The following FABP6 variants were observed in gnomAD, a reference collection of about 807,000 sequenced individuals.
FABP6 encodes gastrotropin.
Under a neutral mutation model 14.9 loss-of-function variants are expected in FABP6, and 13 were observed. That is an observed-to-expected ratio of 0.87 (90% CI 0.57 to 1.39). FABP6 has a LOEUF of 1.39. Ranked by LOEUF, FABP6 falls within the 40% of genes most tolerant of loss-of-function variation. FABP6 has a pLI of 0.00. For synonymous variants in FABP6, 75 were observed against 63.6 expected (o/e 1.18, Z -0.85); for missense variants, 161 against 167.2 (o/e 0.96, Z 0.20).
In FABP6 at chr5:160,238,656, C is replaced by T; in HGVS notation, c.384C>T (p.Ala128=). 1 of 1,613,894 alleles carries T rather than the reference C, an allele frequency of 6.2e-7. No individual in the cohort carries two copies. Among genetic ancestry groups the T allele is most frequent in the Non-Finnish European group, 8.5e-7 (1 of 1,179,810 alleles). Reference sequence around the variant, plus strand: ...ATGAGCGCGTGAGCAAGAGACTGGCCTAAGCAGCCAGGCCCGGCCCAGGGA... The same window carrying T: ...ATGAGCGCGTGAGCAAGAGACTGGCTTAAGCAGCCAGGCCCGGCCCAGGGA... ...VTYERVSKRL[A] Residue 128 remains alanine (A), a synonymous_variant, in exon 4 of 4, where the codon GCC becomes GCT. Coordinates refer to ENST00000402432, the MANE Select transcript of FABP6 (RefSeq NM_001445.3).
intron 3 of FABP6, among the ~76,000 whole-genome samples, chr5:160,216,724 A>G (rs185489334): frequency 1.3e-5 from 2 of 152,206 alleles, no homozygotes; most frequent in African/African-American, 4.8e-5. Flanking sequence ...AAGTCACCTA[A>G]CCTTTCTGAA....
chr5:160,219,508 A>AG (rs1760087442), intron 3 of FABP6, among the ~76,000 whole-genome samples: 1 of 152,122 alleles, frequency 6.6e-6, no homozygotes, highest in Non-Finnish European at 1.5e-5. Context: ...ACCCAGGAGA[A>AG]GAGGGGAAGA....
chr5:160,191,528 C>T (rs540710966), intron 1 of FABP6, among the ~76,000 whole-genome samples: 1 of 152,290 alleles, frequency 6.6e-6, no homozygotes, highest in East Asian at 1.9e-4. Context: ...CCCTGCCCAT[C>T]TCTCTACTGT....
chr5:160,234,913 A>C lies in FABP6; in HGVS notation c.333+4A>C, dbSNP rs1265317635. ...CGTGGGTGACAAGCTGGTGGAGGTG[A>C]GTGTCATGCTGATTCCTGGGATGAT... is the stretch of plus-strand genomic sequence containing the variant. On this transcript the variant is annotated splice_donor_region_variant and intron_variant, in intron 3 of 3. Coordinates refer to ENST00000402432, the MANE Select transcript of FABP6 (RefSeq NM_001445.3). 1 of 1,608,854 alleles carries C rather than the reference A, an allele frequency of 6.2e-7. No homozygotes were observed. Among genetic ancestry groups the C allele is most frequent in the South Asian group, 1.1e-5 (1 of 90,468 alleles).
At chr5:160,236,460 C>A (rs1395594300) in intron 3 of FABP6, among the ~76,000 whole-genome samples, 1 of 152,122 alleles carries the variant, frequency 6.6e-6, no homozygotes, top group Non-Finnish European at 1.5e-5. Flanking sequence ...GACACACGCG[C>A]AGTCCATAAG....
intron 1 of FABP6, chr5:160,231,893 C>T (rs1309640390): frequency 1.9e-6 from 1 of 534,326 alleles, no homozygotes; most frequent in Non-Finnish European, 3.3e-6. Context: ...GATGAATAGA[C>T]TGAAGCTCAG....
At chr5:160,214,880 T>C (rs1759980495) in intron 3 of FABP6, among the ~76,000 whole-genome samples, 1 of 151,708 alleles carries the variant, frequency 6.6e-6, no homozygotes, top group Non-Finnish European at 1.5e-5. Flanking sequence ...AAGCAGAAAA[T>C]AAAGGTTTTC....
chr5:160,215,517 G>GAGA (rs796901409), intron 3 of FABP6, among the ~76,000 whole-genome samples: 2 of 136,008 alleles, frequency 1.5e-5, no homozygotes, highest in Non-Finnish European at 3.2e-5. Flanking sequence ...CTGTCTCAGA[G>GAGA]AAAAAAAAAA....
intron 3 of FABP6, among the ~76,000 whole-genome samples, chr5:160,216,313 G>C (rs575238029): frequency 2.0e-5 from 3 of 151,656 alleles, no homozygotes; most frequent in Admixed American, 2.0e-4. Context: ...TGTCACCCAG[G>C]CTGGAGTGCA....
At chr5:160,213,847 GTT>G in intron 3 of FABP6, 3 of 1,558,190 alleles carry the variant, frequency 1.9e-6, no homozygotes, top group South Asian at 1.1e-5. Flanking sequence ...GGAGGGAAGG[GTT>G]CCTGACGTTT....
intron 1 of FABP6, among the ~76,000 whole-genome samples, chr5:160,196,292 G>A (rs2113063298): frequency 6.6e-6 from 1 of 152,340 alleles, no homozygotes; most frequent in African/African-American, 2.4e-5. Context: ...TTCCCCAGGA[G>A]GGTTGAGAAG....
intron 2 of FABP6, among the ~76,000 whole-genome samples, chr5:160,210,343 C>T (rs1215611197): frequency 1.3e-5 from 2 of 152,182 alleles, no homozygotes; most frequent in Non-Finnish European, 2.9e-5. Flanking sequence ...AATTGAGAAG[C>T]TGTGATCATC....
At chr5:160,187,826 A>G (rs1371522531) in intron 1 of FABP6, among the ~76,000 whole-genome samples, 2 of 151,990 alleles carry the variant, frequency 1.3e-5, no homozygotes, top group Non-Finnish European at 2.9e-5. Context: ...TATCTCGGCT[A>G]ACCACAACCT....
At chr5:160,233,768 G>C (rs1260800827) in intron 2 of FABP6, among the ~76,000 whole-genome samples, 2 of 152,066 alleles carry the variant, frequency 1.3e-5, no homozygotes, top group Non-Finnish European at 2.9e-5. Context: ...AGCTACTCGG[G>C]AGGCTGAGGC....
intron 1 of FABP6, among the ~76,000 whole-genome samples, chr5:160,192,449 C>T (rs779414831): frequency 1.3e-5 from 2 of 152,264 alleles, no homozygotes; most frequent in Non-Finnish European, 2.9e-5. Context: ...AGAAACCTTG[C>T]GTGTTTACTC....
intron 3 of FABP6, among the ~76,000 whole-genome samples, chr5:160,215,924 C>T (rs568015313): frequency 2.4e-4 from 36 of 152,266 alleles, no homozygotes; most frequent in African/African-American, 5.5e-4. Flanking sequence ...TCCCCAGTTG[C>T]GCCACTTCTT....
chr5:160,211,402 GC>G (rs1011032749), intron 2 of FABP6, among the ~76,000 whole-genome samples: 6 of 152,006 alleles, frequency 3.9e-5, no homozygotes, highest in African/African-American at 7.3e-5. Flanking sequence ...CTAGGTGCTG[GC>G]CCCCTTTCTA....
At chr5:160,231,741 C>A (rs939671429) in intron 1 of FABP6, among the ~76,000 whole-genome samples, 1 of 152,120 alleles carries the variant, frequency 6.6e-6, no homozygotes, top group Non-Finnish European at 1.5e-5. Flanking sequence ...TGGCAAGATT[C>A]AGTTATATTT....
chr5:160,187,720 T>G (rs1195899856), intron 1 of FABP6, among the ~76,000 whole-genome samples: 2 of 151,896 alleles, frequency 1.3e-5, no homozygotes, highest in African/African-American at 4.8e-5. Context: ...TGTTCTGAGC[T>G]GCACCCTTAA....
Sources: allele counts gnomAD v4.1 joint callset (sites outside exome capture counted in the v4.1 genomes callset), GRCh38; gene constraint gnomAD v4.1.1; transcripts MANE v1.5; gene names NCBI Gene and HGNC (gene_info 2026-07-23, HGNC 2026-07-21).